MCPH1: variants seen among roughly 807,000 people sequenced by gnomAD.
MCPH1 encodes the protein microcephalin.
Under a neutral mutation model 84.5 loss-of-function variants are expected in MCPH1, and 104 were observed. That is an observed-to-expected ratio of 1.23 (90% CI 1.05 to 1.45). MCPH1 has a LOEUF of 1.45. MCPH1 is among the 40% of genes most tolerant of loss of function. The pLI, the probability that MCPH1 is intolerant of heterozygous loss-of-function variation, is 0.00. For synonymous variants in MCPH1, 514 were observed against 366.8 expected (o/e 1.40, Z -4.58); for missense variants, 1,498 against 1,005.7 (o/e 1.49, Z -6.62).
intron 2 of MCPH1, among the ~76,000 whole-genome samples, chr8:6,410,437 G>C (rs369084376): frequency 6.6e-6 from 1 of 152,156 alleles, no homozygotes; most frequent in African/African-American, 2.4e-5. Flanking sequence ...CAGTGAAATG[G>C]GCAGGAATCA....
intron 12 of MCPH1, 82 bp downstream of exon 12, chr8:6,500,011 T>C: frequency 8.3e-7 from 1 of 1,204,752 alleles, no homozygotes; most frequent in South Asian, 1.2e-5. Context: ...TGGACTTAAG[T>C]TTTTATCCAG....
chr8:6,495,290 T>C (rs1214103984), intron 11 of MCPH1, among the ~76,000 whole-genome samples: 1 of 152,220 alleles, frequency 6.6e-6, no homozygotes, highest in African/African-American at 2.4e-5. Flanking sequence ...TTTTAGTTAA[T>C]AATGATGCAT....
At chr8:6,503,155 G>T (rs781086750) in intron 12 of MCPH1, 2 of 1,614,196 alleles carry the variant, frequency 1.2e-6, no homozygotes, top group South Asian at 2.2e-5. Context: ...AATAGCCTGA[G>T]CCTTTCCAGT....
intron 13 of MCPH1, among the ~76,000 whole-genome samples, chr8:6,634,143 G>A (rs1469466010): frequency 6.6e-6 from 1 of 152,224 alleles, no homozygotes; most frequent in African/African-American, 2.4e-5. Context: ...AACTAGATCT[G>A]AAGGCATCAC....
chr8:6,537,541 G>A (rs1408184554), intron 12 of MCPH1, among the ~76,000 whole-genome samples: 1 of 117,592 alleles, frequency 8.5e-6, no homozygotes, highest in Non-Finnish European at 2.0e-5. Flanking sequence ...ATATTTTAAT[G>A]CAACATATAT....
intron 11 of MCPH1, among the ~76,000 whole-genome samples, chr8:6,496,878 C>G (rs1017278532): frequency 7.2e-5 from 11 of 152,082 alleles, no homozygotes; most frequent in African/African-American, 2.4e-4. Flanking sequence ...ATTGCCTTCC[C>G]CACCCCACCC....
intron 13 of MCPH1, chr8:6,626,359 C>G (rs1047474090): frequency 9.1e-6 from 9 of 985,154 alleles, no homozygotes; most frequent in Non-Finnish European, 1.1e-5. Context: ...ATTACGTTCC[C>G]TCTTCATTCC....
intron 9 of MCPH1, among the ~76,000 whole-genome samples, chr8:6,474,488 C>G (rs1029632841): frequency 6.6e-6 from 1 of 152,124 alleles, no homozygotes; most frequent in Admixed American, 6.5e-5. Context: ...CACCACTGCA[C>G]TCCAGCTAGG....
At chr8:6,521,116 T>C in intron 12 of MCPH1, 1 of 1,386,368 alleles carries the variant, frequency 7.2e-7, no homozygotes, top group Non-Finnish European at 1.0e-6. Context: ...TTTTTTAGTC[T>C]TTTGAGTGTT....
At chr8:6,474,838 A>C (rs1383677213) in intron 9 of MCPH1, among the ~76,000 whole-genome samples, 1 of 152,214 alleles carries the variant, frequency 6.6e-6, no homozygotes, top group Non-Finnish European at 1.5e-5. Context: ...CCATCTTAAA[A>C]AATAAGAATA....
chr8:6,519,250 G>T (rs954081647), intron 12 of MCPH1, among the ~76,000 whole-genome samples: 1 of 152,106 alleles, frequency 6.6e-6, no homozygotes, highest in Admixed American at 6.5e-5. Context: ...AAGTCCACAG[G>T]TTGAAACTGT....
intron 12 of MCPH1, among the ~76,000 whole-genome samples, chr8:6,529,471 A>C: frequency 7.8e-6 from 1 of 127,956 alleles, no homozygotes; most frequent in Admixed American, 8.0e-5. Flanking sequence ...TTTTTTTTTG[A>C]GACAGAGTCT....
At chr8:6,509,847 C>A (rs552673511) in intron 12 of MCPH1, among the ~76,000 whole-genome samples, 1 of 152,172 alleles carries the variant, frequency 6.6e-6, no homozygotes, top group Non-Finnish European at 1.5e-5. Context: ...TTTGGCAACA[C>A]GGTGCACGCA....
chr8:6,445,769 C>A (rs970136870), intron 8 of MCPH1: 5 of 1,335,462 alleles, frequency 3.7e-6, no homozygotes, highest in Admixed American at 3.5e-5. Flanking sequence ...TGTTAGGAAT[C>A]TATTTCTCCA....
intron 9 of MCPH1, among the ~76,000 whole-genome samples, chr8:6,471,718 C>T (rs73196796): frequency 0.014 from 2,178 of 152,274 alleles, 22 homozygotes; most frequent in Non-Finnish European, 0.022. Context: ...AAATCCTCTT[C>T]CCCTGGTGGG....
chr8:6,626,812 C>T (rs1023233729), intron 13 of MCPH1: 3 of 985,304 alleles, frequency 3.0e-6, no homozygotes, highest in East Asian at 1.1e-4. Context: ...CTGTGGTCAG[C>T]TCTGTGCACT....
intron 9 of MCPH1, among the ~76,000 whole-genome samples, chr8:6,456,385 G>A (rs1805682035): frequency 6.6e-6 from 1 of 152,216 alleles, no homozygotes; most frequent in Non-Finnish European, 1.5e-5. Context: ...TCGCAACACT[G>A]TGGCTGAGTT....
chr8:6,557,810 C>T (rs1172103702), intron 12 of MCPH1, among the ~76,000 whole-genome samples: 1 of 151,988 alleles, frequency 6.6e-6, no homozygotes, highest in Admixed American at 6.5e-5. Flanking sequence ...AATTGGAAAA[C>T]AGTCTGTCCG....
intron 3 of MCPH1, among the ~76,000 whole-genome samples, chr8:6,427,128 C>G (rs1411662916): frequency 6.6e-6 from 1 of 152,082 alleles, no homozygotes; most frequent in African/African-American, 2.4e-5. Flanking sequence ...CTCTGAAATA[C>G]TTAAACATAG....
Sources: gnomAD v4.1 joint callset for allele counts (sites outside exome capture counted in the v4.1 genomes callset) on GRCh38, gnomAD v4.1.1 for gene constraint, MANE v1.5 for transcripts, NCBI Gene and HGNC (gene_info 2026-07-23, HGNC 2026-07-21) for gene names.